Variants in PPIG observed in about 807,000 individuals in gnomAD.
PPIG encodes peptidylprolyl isomerase G.
In PPIG, 26 loss-of-function variants were observed where a neutral mutation model predicts 87.9. The ratio of observed to expected loss-of-function variants is 0.30; its 90% CI spans 0.22 to 0.41. The LOEUF (loss-of-function observed/expected upper bound fraction) is 0.41, where lower values mean the gene tolerates loss of function less well. Among genes scored for constraint, PPIG ranks in the 10% least tolerant of loss-of-function variants. PPIG has a pLI of 1.00. For synonymous variants in PPIG, 308 were observed against 276.5 expected (o/e 1.11, Z -1.13); for missense variants, 722 against 879.4 (o/e 0.82, Z 2.26).
chr2:169,631,895 G>T lies in PPIG; in HGVS notation c.891G>T (p.Lys297Asn). 2 of 1,606,448 alleles carry T rather than the reference G, an allele frequency of 1.2e-6. No individual in the cohort carries two copies. The highest frequency in any genetic ancestry group is 4.5e-5 in the East Asian group (2 of 44,732). The change falls in exon 11 of 14, where the codon AAG (lysine) becomes AAT (asparagine). Residue 297 changes from lysine to asparagine, a missense_variant. Around this residue, in one of 4 missense-constraint regions of PPIG, gnomAD observed 142 missense variants for 152.8 expected, o/e 0.93. Transcript: ENST00000260970. ...AAAGTCCTCCTAAAGCTGATGAGAA[G>T]GAAAGGAAAAACAGAGAGAGAGAAA... ...MRKSPPKADE[K>N]ERKNRERERE... is the part of the protein sequence containing the mutation.
chr2:169,584,923 A>C (rs1574428900), intron 1 of PPIG: 1 of 203,140 alleles, frequency 4.9e-6, no homozygotes. Flanking sequence ...CTGGTGGGGA[A>C]GGGGGAGACA....
At chr2:169,630,107 A>C (rs1366255116) in intron 9 of PPIG, among the ~76,000 whole-genome samples, 1 of 149,648 alleles carries the variant, frequency 6.7e-6, no homozygotes. Context: ...TTCTAGCTTC[A>C]CTTATTTATA....
chr2:169,585,847 T>A (rs1684689069), intron 1 of PPIG, among the ~76,000 whole-genome samples: 1 of 151,800 alleles, frequency 6.6e-6, no homozygotes. Flanking sequence ...AAAGAGTGAG[T>A]GTGTGTGTGT....
intron 1 of PPIG, among the ~76,000 whole-genome samples, chr2:169,591,811 G>A (rs1259758274): frequency 2.0e-5 from 3 of 151,000 alleles, no homozygotes; most frequent in Admixed American, 2.0e-4. Context: ...AATTTGTCTG[G>A]ATTTTAGCTG....
chr2:169,604,033 A>AT lies in PPIG; in HGVS notation c.-7dup, dbSNP rs1357274149. 36 of 1,612,674 alleles carry AT rather than the reference A, an allele frequency of 2.2e-5. No individual in the cohort carries two copies. The highest frequency in any genetic ancestry group is 2.8e-5 in the Non-Finnish European group (33 of 1,178,906). ...ACTGTATTTTACTCACAGATTAAGT[A>AT]TTGGAGCCATGGGAATAAAGGTTCA... On this transcript the variant is annotated 5_prime_UTR_variant, in exon 3 of 14. Coordinates refer to ENST00000260970, the MANE Select transcript of PPIG (RefSeq NM_004792.3).
intron 1 of PPIG, among the ~76,000 whole-genome samples, chr2:169,599,095 A>C: frequency 6.6e-6 from 1 of 152,074 alleles, no homozygotes; most frequent in East Asian, 1.9e-4. Context: ...ACTGAGTCAG[A>C]GAGTCTTAAA....
Position 169,614,650 on chromosome 2 carries a change from A to G in PPIG, c.473A>G (p.Lys158Arg). The G allele has an allele frequency of 6.2e-7, 1 of 1,613,120 alleles. No individual in the cohort carries two copies. Among genetic ancestry groups the G allele is most frequent in the Non-Finnish European group, 8.5e-7 (1 of 1,179,892 alleles). ...GTTGTAAGAGAGATTGAAAACCAGA[A>G]AACAGATGCAGCTAGCAAACCGTTT... is the stretch of plus-strand genomic sequence containing the variant. ...QEVVREIENQ[K>R]TDAASKPFAE... Residue 158 changes from lysine (K) to arginine (R), a missense_variant, in exon 9 of 14, where the codon AAA (lysine) becomes AGA (arginine). By Grantham distance (26) the Lys-to-Arg change is conservative. Around this residue, in one of 4 missense-constraint regions of PPIG, gnomAD observed 99 missense variants for 215.8 expected, o/e 0.46. Coordinates refer to ENST00000260970, the MANE Select transcript of PPIG (RefSeq NM_004792.3).
chr2:169,584,540 C>A (rs1178344779), intron 1 of PPIG, 50 bp downstream of exon 1: 1 of 468,082 alleles, frequency 2.1e-6, no homozygotes, highest in Non-Finnish European at 4.4e-6. Flanking sequence ...TTCAGCAGTC[C>A]CTGCGTACGA....
chr2:169,594,902 G>A (rs560986456), intron 1 of PPIG, among the ~76,000 whole-genome samples: 13 of 151,910 alleles, frequency 8.6e-5, no homozygotes, highest in African/African-American at 2.9e-4. Context: ...GACTACAGGC[G>A]TGAGACACCA....
chr2:169,637,641 CT>C lies in PPIG; in HGVS notation c.*126del. ...GTTTTTGGATTGTTTTATGTTTGTC[CT>C]TTTTTTTCTTAATGTGGATTTCATT... On this transcript the variant is annotated 3_prime_UTR_variant, in exon 14 of 14. Transcript: ENST00000260970. 3.3e-5 allele frequency: 35 copies of C among 1,065,156 alleles called. No individual in the cohort carries two copies. Among genetic ancestry groups the C allele is most frequent in the Admixed American group, 6.2e-5 (2 of 32,058 alleles). The allele number at this position is 1,065,156 out of a possible 1,614,324, so 66.0% of individuals were successfully genotyped here. A position where few individuals can be genotyped will look rare whatever the true frequency, so the allele number is the denominator to read the frequency against.
intron 1 of PPIG, chr2:169,584,954 A>G (rs894733966): frequency 2.7e-5 from 5 of 182,974 alleles, no homozygotes; most frequent in Non-Finnish European, 5.7e-5. Flanking sequence ...CTGTCAGGCT[A>G]GGGTTGGAGA....
At chr2:169,591,272 C>T (rs1460668459) in intron 1 of PPIG, among the ~76,000 whole-genome samples, 1 of 152,114 alleles carries the variant, frequency 6.6e-6, no homozygotes, top group African/African-American at 2.4e-5. Context: ...TTTTTTTACA[C>T]ATGAACTGGT....
In PPIG at chr2:169,594,233, G is replaced by T. The variant is rs561249618; in HGVS notation, c.-69-9409G>T. Among the ~76,000 whole-genome samples, 5 of 150,128 alleles carry T rather than the reference G, an allele frequency of 3.3e-5. No homozygotes were observed. The East Asian group carries it at 9.9e-4, about 30-fold the overall frequency. On this transcript the variant is annotated intron_variant, in intron 1 of 13. Coordinates refer to ENST00000260970, the MANE Select transcript of PPIG (RefSeq NM_004792.3). The stretch of plus-strand genomic sequence containing the variant: ...CATATTCTTAAATTTCAAAGGAGTT[G>T]TATATGATCACTAGTAGTAGTATAA...
intron 7 of PPIG, among the ~76,000 whole-genome samples, chr2:169,613,561 TC>T (rs1315410155): frequency 6.6e-6 from 1 of 152,178 alleles, no homozygotes; most frequent in Non-Finnish European, 1.5e-5. Flanking sequence ...AAAAATAATT[TC>T]GTTTGCCAAA....
chr2:169,607,612 A>G (rs892038389), intron 6 of PPIG, among the ~76,000 whole-genome samples: 6 of 152,196 alleles, frequency 3.9e-5, no homozygotes, highest in African/African-American at 7.2e-5. Flanking sequence ...AAAATGGTCT[A>G]TAAGCATATT....
At chr2:169,632,427 G>T (rs1686081420) in intron 11 of PPIG, among the ~76,000 whole-genome samples, 1 of 152,064 alleles carries the variant, frequency 6.6e-6, no homozygotes, top group African/African-American at 2.4e-5. Context: ...AATGCTAATG[G>T]TTCTTTATCA....
intron 7 of PPIG, among the ~76,000 whole-genome samples, chr2:169,611,076 C>T (rs1314178250): frequency 1.3e-5 from 2 of 152,026 alleles, no homozygotes; most frequent in Admixed American, 6.6e-5. Context: ...GGTGTGCTTG[C>T]GGGCGCATGT....
At chr2:169,624,808 T>A (rs913911146) in intron 9 of PPIG, among the ~76,000 whole-genome samples, 2 of 152,116 alleles carry the variant, frequency 1.3e-5, no homozygotes, top group Non-Finnish European at 2.9e-5. Flanking sequence ...GCCAGGATGG[T>A]CTTGATCTTC....
chr2:169,615,138 T>C (rs1211999069), intron 9 of PPIG, among the ~76,000 whole-genome samples: 2 of 152,072 alleles, frequency 1.3e-5, no homozygotes, highest in Non-Finnish European at 2.9e-5. Flanking sequence ...AACCTCCGTC[T>C]CCCGGGTTGA....
Sources: gnomAD v4.1 joint callset for allele counts (sites outside exome capture counted in the v4.1 genomes callset) on GRCh38, gnomAD v4.1.1 for gene constraint, gnomAD v4.1.1 regional missense constraint, MANE v1.5 for transcripts, NCBI Gene and HGNC (gene_info 2026-07-23, HGNC 2026-07-21) for gene names.